NEK10: variants seen among roughly 807,000 people sequenced by gnomAD.
NEK10 encodes the protein serine/threonine-protein kinase Nek10.
A neutral mutation model predicts 159.8 loss-of-function variants in NEK10; 122 were observed. The observed-to-expected ratio is 0.76, with a 90% CI of 0.66 to 0.89. The LOEUF is 0.89. Ranked by LOEUF, NEK10 falls within the 40% of genes least tolerant of loss-of-function variation. The probability of loss-of-function intolerance (pLI) is 0.00; values close to 1 mark genes in which losing one functional copy is unlikely to be tolerated. For missense variants in NEK10, 1,342 were observed against 1,323.1 expected (o/e 1.01, Z -0.22); for synonymous variants, 466 against 457.1 (o/e 1.02, Z -0.25).
rs570547955 is a variant in NEK10 at position 27,246,781 on chromosome 3, T to G, written c.2090+9515A>C. Among the ~76,000 whole-genome samples, 60 of 152,248 alleles carry G rather than the reference T, an allele frequency of 3.9e-4. 2 individuals carry two copies. The South Asian group carries it at 0.012, about 31-fold the overall frequency. Reference sequence around the variant, plus strand: ...TTATTTAATTTTTAGCACCACAAATTTTTATTCCCACACAATTTTTAGTCC... The same window carrying G: ...TTATTTAATTTTTAGCACCACAAATGTTTATTCCCACACAATTTTTAGTCC... On this transcript the variant is annotated intron_variant, in intron 23 of 35. Transcript: ENST00000691995.
At chr3:27,177,386 T>C (rs1477031029) in intron 26 of NEK10, among the ~76,000 whole-genome samples, 4 of 151,558 alleles carry the variant, frequency 2.6e-5, no homozygotes, top group Non-Finnish European at 4.4e-5. Flanking sequence ...TACTAAAAAA[T>C]ACAAAAAAAT....
At chr3:27,268,362 G>T (rs1203219369) in intron 22 of NEK10, among the ~76,000 whole-genome samples, 1 of 152,190 alleles carries the variant, frequency 6.6e-6, no homozygotes, top group Non-Finnish European at 1.5e-5. Context: ...GACTTTCATA[G>T]TTAGGGAGGA....
chr3:27,163,902 C>T (rs993371333), intron 29 of NEK10, among the ~76,000 whole-genome samples: 4 of 152,180 alleles, frequency 2.6e-5, no homozygotes, highest in African/African-American at 7.2e-5. Flanking sequence ...TACATGCATG[C>T]AACACCTACC....
intron 13 of NEK10, among the ~76,000 whole-genome samples, chr3:27,299,707 T>C (rs538258855): frequency 6.6e-6 from 1 of 152,340 alleles, no homozygotes; most frequent in South Asian, 2.1e-4. Context: ...CCCAAGATCA[T>C]GGGAACCCAC....
chr3:27,204,248 C>A (rs1038245158), intron 23 of NEK10, among the ~76,000 whole-genome samples: 158 of 133,544 alleles, frequency 1.2e-3, no homozygotes, highest in African/African-American at 4.4e-3. Context: ...GGACAGCTTT[C>A]CATTTTCTCC....
chr3:27,283,589 T>C (rs150807652), intron 22 of NEK10, among the ~76,000 whole-genome samples: 1 of 152,258 alleles, frequency 6.6e-6, no homozygotes, highest in African/African-American at 2.4e-5. Flanking sequence ...TTAAAGTCCA[T>C]GAGGGTAACA....
Position 27,301,722 on chromosome 3 carries a change from T to A in NEK10, c.1142A>T (p.Gln381Leu), listed in dbSNP as rs2043839994. The A allele has an allele frequency of 6.3e-7, 1 of 1,575,646 alleles. No individual in the cohort carries two copies. The highest frequency in any genetic ancestry group is 1.4e-5 in the African/African-American group (1 of 73,930). The change falls in exon 13 of 36, where the codon CAA (glutamine) becomes CTA (leucine). Residue 381 changes from glutamine to leucine, a missense_variant. Coordinates refer to ENST00000691995, the MANE Select transcript of NEK10 (RefSeq NM_001394966.1). Reference sequence around the variant, plus strand: ...TGCTTGAAGTGAGAAAGTATTTTCTTGTATTTCCCTAGGGCTCAAGTCTTC... The same window carrying A: ...TGCTTGAAGTGAGAAAGTATTTTCTAGTATTTCCCTAGGGCTCAAGTCTTC... ...LSEDLSPREI[Q>L]ENTFSLQAAC...
intron 1 of NEK10, among the ~76,000 whole-genome samples, chr3:27,358,444 A>G (rs552739065): frequency 6.6e-6 from 1 of 152,308 alleles, no homozygotes; most frequent in South Asian, 2.1e-4. Context: ...CCATTTTTTA[A>G]AAGAAACTCT....
At chr3:27,233,160 C>A (rs1376462781) in intron 23 of NEK10, among the ~76,000 whole-genome samples, 1 of 151,996 alleles carries the variant, frequency 6.6e-6, no homozygotes, top group Non-Finnish European at 1.5e-5. Flanking sequence ...GGACTAGTAT[C>A]CACAATCTAC....
chr3:27,133,155 A>G (rs1317342589), intron 31 of NEK10, among the ~76,000 whole-genome samples: 1 of 152,210 alleles, frequency 6.6e-6, no homozygotes, highest in Non-Finnish European at 1.5e-5. Flanking sequence ...CACAGCCACA[A>G]GAAGGAACAG....
chr3:27,366,834 G>T (rs1471699641), intron 1 of NEK10, among the ~76,000 whole-genome samples: 2 of 128,892 alleles, frequency 1.6e-5, no homozygotes, highest in Admixed American at 8.1e-5. Flanking sequence ...TTTTTGAGAC[G>T]GAGTTTCACT....
chr3:27,266,010 T>C (rs1392278886), intron 22 of NEK10, among the ~76,000 whole-genome samples: 2 of 151,976 alleles, frequency 1.3e-5, no homozygotes, highest in Admixed American at 1.3e-4. Flanking sequence ...GGTTTCACAG[T>C]GTTAGCCAGG....
intron 1 of NEK10, among the ~76,000 whole-genome samples, chr3:27,357,424 A>G (rs2048394356): frequency 6.6e-6 from 1 of 152,230 alleles, no homozygotes. Flanking sequence ...AATCCTGAGC[A>G]CATTCAGGAA....
intron 30 of NEK10, among the ~76,000 whole-genome samples, chr3:27,142,098 T>C (rs1422648524): frequency 6.6e-6 from 1 of 152,228 alleles, no homozygotes; most frequent in Admixed American, 6.5e-5. Context: ...CTTTGATTAT[T>C]ACAAATTATA....
intron 1 of NEK10, among the ~76,000 whole-genome samples, chr3:27,354,881 T>C (rs959862307): frequency 5.9e-5 from 9 of 152,166 alleles, no homozygotes; most frequent in Admixed American, 5.2e-4. Flanking sequence ...TAGCCTTCAG[T>C]CATAACTCCC....
At chr3:27,199,054 C>CA (rs1949805518) in intron 25 of NEK10, among the ~76,000 whole-genome samples, 1 of 126,230 alleles carries the variant, frequency 7.9e-6, no homozygotes, top group African/African-American at 3.0e-5. Flanking sequence ...GCCTGGGCGA[C>CA]AGAGCAAGAC....
At chr3:27,133,252 T>A (rs1290447638) in intron 31 of NEK10, among the ~76,000 whole-genome samples, 1 of 152,198 alleles carries the variant, frequency 6.6e-6, no homozygotes, top group Non-Finnish European at 1.5e-5. Context: ...AACTGTTCGT[T>A]CAGCATGACT....
intron 12 of NEK10, 106 bp downstream of exon 12, chr3:27,304,641 C>G: frequency 1.4e-6 from 1 of 715,832 alleles, no homozygotes; most frequent in Non-Finnish European, 2.5e-6. Context: ...AAAGAAATCC[C>G]AAAGCAGGAG....
At chr3:27,245,204 T>C (rs947342354) in intron 23 of NEK10, among the ~76,000 whole-genome samples, 3 of 152,220 alleles carry the variant, frequency 2.0e-5, no homozygotes, top group Admixed American at 2.0e-4. Context: ...ATAGACTATT[T>C]CTTTGTTTCA....
Sources: allele counts gnomAD v4.1 joint callset (sites outside exome capture counted in the v4.1 genomes callset), GRCh38; gene constraint gnomAD v4.1.1; transcripts MANE v1.5; gene names NCBI Gene and HGNC (gene_info 2026-07-23, HGNC 2026-07-21).